Variants in MBNL1 observed in about 807,000 individuals in gnomAD.
MBNL1 encodes muscleblind-like protein 1.
In MBNL1, 8 loss-of-function variants were observed where a neutral mutation model predicts 42.2. The ratio of observed to expected loss-of-function variants is 0.19; its 90% confidence interval spans 0.11 to 0.34. The LOEUF (loss-of-function observed/expected upper bound fraction) is 0.34, where lower values mean the gene tolerates loss of function less well. Among genes scored for constraint, MBNL1 ranks in the 10% least tolerant of loss-of-function variants. The pLI, the probability that MBNL1 is intolerant of heterozygous loss-of-function variation, is 1.00. For missense variants in MBNL1, 309 were observed against 495.3 expected, an observed-to-expected ratio of 0.62 and a Z score of 3.57; for synonymous variants, 169 against 173.9, an observed-to-expected ratio of 0.97 and a Z score of 0.22.
intron 2 of MBNL1, among the ~76,000 whole-genome samples, chr3:152,371,156 T>C (rs1366685743): frequency 6.6e-6 from 1 of 152,206 alleles, no homozygotes; most frequent in Non-Finnish European, 1.5e-5. Context: ...TTTTTGTATT[T>C]AGTGCTTCCT....
intron 2 of MBNL1, among the ~76,000 whole-genome samples, chr3:152,315,773 A>C (rs2070578448): frequency 6.6e-6 from 1 of 152,124 alleles, no homozygotes; most frequent in Admixed American, 6.5e-5. Context: ...GCTCCAAAGT[A>C]GGAGCCAAAC....
intron 7 of MBNL1, 26 bp from the exon 8 acceptor site, chr3:152,456,241 C>T (rs771627579): frequency 1.6e-5 from 25 of 1,517,798 alleles, no homozygotes; most frequent in African/African-American, 2.7e-5. Flanking sequence ...TCTGTATGTT[C>T]GCTTATATGA....
chr3:152,411,079 A>G (rs534028885), intron 2 of MBNL1, among the ~76,000 whole-genome samples: 52 of 152,198 alleles, frequency 3.4e-4, no homozygotes, highest in Non-Finnish European at 6.0e-4. Flanking sequence ...TATTGTTACT[A>G]TTATATAGAA....
intron 3 of MBNL1, among the ~76,000 whole-genome samples, chr3:152,421,805 C>G (rs2098809602): frequency 6.6e-6 from 1 of 152,066 alleles, no homozygotes. Context: ...ATTTTCAACC[C>G]AGAATTTCAT....
rs1748955311 is a variant in MBNL1, at chr3:152,463,937, T to C, written c.*1571T>C. On this transcript the variant is annotated 3_prime_UTR_variant, in exon 10 of 10. Transcript: ENST00000324210. ...GTTTTTATGCTTGAGAGAGATGCTT[T>C]CTAATATAAGACTGATGTGTTGATT... is the stretch of plus-strand genomic sequence containing the variant. The C allele has an allele frequency of 6.6e-6, 1 of 152,546 alleles. No homozygotes were observed. Among genetic ancestry groups the C allele is most frequent in the African/African-American group, 2.4e-5 (1 of 41,448 alleles). The allele number at this position is 152,546 out of a possible 1,614,324, so 9.4% of individuals were successfully genotyped here. A position where few individuals can be genotyped will look rare whatever the true frequency, so the allele number is the denominator to read the frequency against.
intron 1 of MBNL1, among the ~76,000 whole-genome samples, chr3:152,271,752 T>C (rs548946271): frequency 1.3e-5 from 2 of 152,244 alleles, no homozygotes; most frequent in South Asian, 2.1e-4. Context: ...GAATGTGACA[T>C]AGAAAGATTT....
intron 2 of MBNL1, among the ~76,000 whole-genome samples, chr3:152,247,631 T>A (rs2033415005): frequency 6.6e-6 from 1 of 152,016 alleles, no homozygotes; most frequent in Non-Finnish European, 1.5e-5. Flanking sequence ...AGAATTAGTA[T>A]AGTTCTGTTA....
At position 152,427,176 on chromosome 3, in the gene MBNL1, TG is replaced by T. The variant is rs2098944016; in HGVS notation, c.346-5538del. On this transcript the variant is annotated intron_variant, in intron 3 of 9. Transcript: ENST00000324210. ...TGAATCCTCAAACAGCCTGAGAGAA[TG>T]GGCCCTGGATTTTAGGAACTAGGCC... Among the ~76,000 whole-genome samples, 4 of 152,184 alleles carry T rather than the reference TG, an allele frequency of 2.6e-5. No homozygotes were observed. In the South Asian group the frequency reaches 8.3e-4, roughly 32 times the overall value.
intron 2 of MBNL1, among the ~76,000 whole-genome samples, chr3:152,409,307 G>A (rs1212091505): frequency 6.6e-6 from 1 of 151,826 alleles, no homozygotes; most frequent in Non-Finnish European, 1.5e-5. Context: ...GTATGTGTTT[G>A]TGTGTGTGTG....
chr3:152,373,670 G>A (rs1042635234), intron 2 of MBNL1, among the ~76,000 whole-genome samples: 4 of 152,140 alleles, frequency 2.6e-5, no homozygotes, highest in African/African-American at 7.2e-5. Flanking sequence ...AAAGAGATGA[G>A]CCAGGTACCT....
intron 3 of MBNL1, among the ~76,000 whole-genome samples, chr3:152,431,022 C>A (rs954408724): frequency 1.3e-5 from 2 of 152,174 alleles, no homozygotes; most frequent in African/African-American, 4.8e-5. Flanking sequence ...ATTACATATT[C>A]TGTTTTTTCA....
intron 2 of MBNL1, among the ~76,000 whole-genome samples, chr3:152,346,972 A>G (rs1257399995): frequency 6.6e-6 from 1 of 151,968 alleles, no homozygotes; most frequent in Non-Finnish European, 1.5e-5. Flanking sequence ...TGAGTCCAGA[A>G]GGTGGAGACA....
chr3:152,419,888 G>A (rs772210616), intron 3 of MBNL1, among the ~76,000 whole-genome samples: 8 of 152,080 alleles, frequency 5.3e-5, no homozygotes, highest in Admixed American at 1.3e-4. Context: ...TGCCAGCACC[G>A]CAGTCAACCT....
chr3:152,292,013 G>C (rs1278809081), intron 1 of MBNL1, among the ~76,000 whole-genome samples: 2 of 152,138 alleles, frequency 1.3e-5, no homozygotes, highest in Non-Finnish European at 1.5e-5. Context: ...GAAGTGTAAT[G>C]TTATGTACTT....
intron 2 of MBNL1, among the ~76,000 whole-genome samples, chr3:152,373,757 GC>G: frequency 6.6e-6 from 1 of 152,270 alleles, no homozygotes; most frequent in African/African-American, 2.4e-5. Flanking sequence ...TTCCTGTTAG[GC>G]CATCTTGCCA....
chr3:152,426,786 A>G (rs1002254556), intron 3 of MBNL1, among the ~76,000 whole-genome samples: 1 of 152,212 alleles, frequency 6.6e-6, no homozygotes, highest in Admixed American at 6.5e-5. Flanking sequence ...AATCCTGTGC[A>G]TTACATGAAC....
At chr3:152,458,166 A>AT (rs1737524410) in intron 8 of MBNL1, 1 of 1,613,936 alleles carries the variant, frequency 6.2e-7, no homozygotes, top group Non-Finnish European at 8.5e-7. Context: ...TGGGTGCAAC[A>AT]TCCTGTCCTG....
At chr3:152,367,299 T>TA (rs1223202869) in intron 2 of MBNL1, among the ~76,000 whole-genome samples, 1 of 152,070 alleles carries the variant, frequency 6.6e-6, no homozygotes, top group Admixed American at 6.6e-5. Flanking sequence ...GTTCCTGTGT[T>TA]AGTTTGCTGA....
chr3:152,450,084 G>C (rs535740635), intron 6 of MBNL1, among the ~76,000 whole-genome samples: 2 of 131,520 alleles, frequency 1.5e-5, no homozygotes, highest in Admixed American at 8.5e-5. Flanking sequence ...TTGGGCAAAG[G>C]AGTGAGACTC....
Sources: gnomAD v4.1 joint callset for allele counts (sites outside exome capture counted in the v4.1 genomes callset) on GRCh38, gnomAD v4.1.1 for gene constraint, MANE v1.5 for transcripts, NCBI Gene and HGNC (gene_info 2026-07-23, HGNC 2026-07-21) for gene names.